DLG2: variants seen among roughly 807,000 people sequenced by gnomAD.
DLG2 encodes the protein discs large MAGUK scaffold protein 2.
Under a neutral mutation model 132.5 loss-of-function variants are expected in DLG2, and 45 were observed. The ratio of observed to expected loss-of-function variants is 0.34; its 90% CI spans 0.27 to 0.44. The LOEUF is 0.44. Among genes scored for constraint, DLG2 ranks in the 20% least tolerant of loss-of-function variants. The pLI is 1.00. For missense variants in DLG2, 1,045 were observed against 1,196.9 expected (o/e 0.87, Z 1.87); for synonymous variants, 424 against 419.6 (o/e 1.01, Z -0.13).
At chr11:85,342,465 G>C (rs2082565614) in intron 3 of DLG2, among the ~76,000 whole-genome samples, 1 of 152,152 alleles carries the variant, frequency 6.6e-6, no homozygotes, top group Non-Finnish European at 1.5e-5. Flanking sequence ...GCTGTCATCT[G>C]CTTTGATAAT....
intron 10 of DLG2, among the ~76,000 whole-genome samples, chr11:84,071,388 A>G (rs1309724663): frequency 3.3e-5 from 5 of 152,014 alleles, no homozygotes; most frequent in Admixed American, 3.3e-4. Flanking sequence ...TACAGGCGCG[A>G]GCTACCATGC....
At chr11:83,588,067 G>T (rs973361174) in intron 19 of DLG2, among the ~76,000 whole-genome samples, 38 of 152,292 alleles carry the variant, frequency 2.5e-4, no homozygotes, top group Admixed American at 1.0e-3. Context: ...AGGGGCGCCC[G>T]CCATTGCCCA....
intron 21 of DLG2, among the ~76,000 whole-genome samples, chr11:83,514,221 G>A (rs1366088465): frequency 1.3e-5 from 2 of 152,144 alleles, no homozygotes; most frequent in Admixed American, 1.3e-4. Context: ...GTGGTTTGTA[G>A]TTCTCCTTGA....
At chr11:84,543,526 C>T (rs1416515853) in intron 6 of DLG2, among the ~76,000 whole-genome samples, 1 of 152,134 alleles carries the variant, frequency 6.6e-6, no homozygotes, top group Non-Finnish European at 1.5e-5. Flanking sequence ...ACTAACCGTC[C>T]CCGCCCCTCT....
At chr11:83,953,009 T>C (rs952537419) in intron 14 of DLG2, among the ~76,000 whole-genome samples, 81 of 152,128 alleles carry the variant, frequency 5.3e-4, no homozygotes, top group African/African-American at 2.0e-3. Context: ...GAGACATATA[T>C]AAAGCAGTAT....
chr11:84,973,485 AT>A (rs1159802812), intron 6 of DLG2, among the ~76,000 whole-genome samples: 5 of 152,128 alleles, frequency 3.3e-5, no homozygotes, highest in Non-Finnish European at 7.4e-5. Flanking sequence ...CTCTCTCTTA[AT>A]TCATGGGGTC....
chr11:83,619,275 C>T (rs2061305972), intron 19 of DLG2, among the ~76,000 whole-genome samples: 1 of 152,164 alleles, frequency 6.6e-6, no homozygotes, highest in South Asian at 2.1e-4. Flanking sequence ...GAGGGAGTTG[C>T]ACTATATATT....
intron 15 of DLG2, among the ~76,000 whole-genome samples, chr11:83,896,993 A>C (rs2071914425): frequency 6.6e-6 from 1 of 152,182 alleles, no homozygotes; most frequent in Non-Finnish European, 1.5e-5. Context: ...AAAAGTTTTC[A>C]TCTGATTCCA....
At chr11:85,509,520 G>A (rs1204832693) in intron 3 of DLG2, among the ~76,000 whole-genome samples, 1 of 151,992 alleles carries the variant, frequency 6.6e-6, no homozygotes, top group Non-Finnish European at 1.5e-5. Context: ...GACAATCTAA[G>A]GACAGGATAT....
At chr11:83,728,213 T>C (rs1381366015) in intron 18 of DLG2, among the ~76,000 whole-genome samples, 1 of 152,168 alleles carries the variant, frequency 6.6e-6, no homozygotes, top group Admixed American at 6.6e-5. Context: ...GTCAGAGGAC[T>C]CCTTCTAAAA....
chr11:83,653,631 T>A (rs1329550600), intron 18 of DLG2, among the ~76,000 whole-genome samples: 1 of 152,242 alleles, frequency 6.6e-6, no homozygotes, highest in Non-Finnish European at 1.5e-5. Context: ...TGGGGCCATT[T>A]TCCCCAAGAA....
At chr11:84,180,744 ACCAT>A (rs1474246249) in intron 8 of DLG2, among the ~76,000 whole-genome samples, 1 of 152,122 alleles carries the variant, frequency 6.6e-6, no homozygotes, top group African/African-American at 2.4e-5. Flanking sequence ...CCCCCCAGAA[ACCAT>A]GCAAACTGGA....
chr11:84,181,615 G>A (rs776742710), intron 8 of DLG2, among the ~76,000 whole-genome samples: 2 of 152,030 alleles, frequency 1.3e-5, no homozygotes, highest in Non-Finnish European at 2.9e-5. Context: ...AGACATGACT[G>A]TATGTTGTCT....
intron 6 of DLG2, among the ~76,000 whole-genome samples, chr11:84,756,642 T>C (rs906512308): frequency 1.3e-5 from 2 of 150,546 alleles, no homozygotes; most frequent in Non-Finnish European, 3.0e-5. Context: ...AGTGGATACA[T>C]AACAGTTACT....
At chr11:85,513,896 C>T (rs918214711) in intron 3 of DLG2, among the ~76,000 whole-genome samples, 6 of 151,920 alleles carry the variant, frequency 3.9e-5, no homozygotes, top group African/African-American at 1.4e-4. Context: ...TATTAATTAC[C>T]TTTCTAAATA....
At chr11:84,635,960 G>A (rs917489383) in intron 6 of DLG2, among the ~76,000 whole-genome samples, 2 of 152,172 alleles carry the variant, frequency 1.3e-5, no homozygotes, top group African/African-American at 2.4e-5. Context: ...AAGGATAAAT[G>A]AGAAACAGTG....
intron 6 of DLG2, among the ~76,000 whole-genome samples, chr11:84,596,388 T>C (rs2099557580): frequency 6.6e-6 from 1 of 150,890 alleles, no homozygotes; most frequent in Non-Finnish European, 1.5e-5. Context: ...TCTTTTTTTT[T>C]TTTTTTTTTT....
At chr11:83,821,197 A>G (rs1159907956) in intron 17 of DLG2, among the ~76,000 whole-genome samples, 1 of 152,206 alleles carries the variant, frequency 6.6e-6, no homozygotes, top group Non-Finnish European at 1.5e-5. Context: ...GCAGTTGTTC[A>G]GAACCTGAGC....
At chr11:84,867,937 G>A (rs1171284601) in intron 6 of DLG2, among the ~76,000 whole-genome samples, 4 of 151,976 alleles carry the variant, frequency 2.6e-5, no homozygotes, top group South Asian at 2.1e-4. Context: ...AGCCAGGCGT[G>A]GTAGCCGGCG....
Sources: allele counts gnomAD v4.1 joint callset (sites outside exome capture counted in the v4.1 genomes callset), GRCh38; gene constraint gnomAD v4.1.1; transcripts MANE v1.5; gene names NCBI Gene and HGNC (gene_info 2026-07-23, HGNC 2026-07-21).